The following NPAS3 variants were observed in gnomAD, a reference collection of about 807,000 sequenced individuals.
The protein encoded by NPAS3 is neuronal PAS domain protein 3, also known as neuronal PAS domain-containing protein 3.
Under a neutral mutation model 73.1 loss-of-function variants are expected in NPAS3, and 14 were observed. The observed-to-expected ratio is 0.19, with a 90% CI of 0.13 to 0.30. The LOEUF is 0.30. NPAS3 is among the 10% of genes least tolerant of loss of function. The pLI is 1.00. For missense variants in NPAS3, 1,096 were observed against 1,250.0 expected, an observed-to-expected ratio of 0.88 and a Z score of 1.86; for synonymous variants, 620 against 541.5, an observed-to-expected ratio of 1.14 and a Z score of -2.01.
At chr14:33,152,508 A>G (rs1374447793) in intron 2 of NPAS3, among the ~76,000 whole-genome samples, 2 of 152,084 alleles carry the variant, frequency 1.3e-5, no homozygotes, top group African/African-American at 4.8e-5. Context: ...TCACTTTGAC[A>G]GCGCACATTC....
intron 5 of NPAS3, among the ~76,000 whole-genome samples, chr14:33,570,027 T>C (rs955985403): frequency 6.6e-6 from 1 of 152,194 alleles, no homozygotes; most frequent in African/African-American, 2.4e-5. Context: ...ACAGATGGGG[T>C]ATTTGTGTTC....
intron 2 of NPAS3, among the ~76,000 whole-genome samples, chr14:33,137,145 C>T (rs2043870598): frequency 6.6e-6 from 1 of 152,050 alleles, no homozygotes. Context: ...TGTATAGATG[C>T]TAAAGTAGCA....
chr14:33,577,799 A>T (rs1311166843), intron 5 of NPAS3, among the ~76,000 whole-genome samples: 2 of 152,250 alleles, frequency 1.3e-5, no homozygotes, highest in African/African-American at 4.8e-5. Context: ...AGAGAAAATT[A>T]AAACATTGTT....
At chr14:33,715,713 G>C (rs1308296712) in intron 6 of NPAS3, among the ~76,000 whole-genome samples, 1 of 152,190 alleles carries the variant, frequency 6.6e-6, no homozygotes, top group Non-Finnish European at 1.5e-5. Context: ...AATAAACACT[G>C]ATATGGTTTG....
chr14:33,476,787 G>A (rs971737413), intron 4 of NPAS3, among the ~76,000 whole-genome samples: 1 of 152,058 alleles, frequency 6.6e-6, no homozygotes, highest in African/African-American at 2.4e-5. Flanking sequence ...AGAGCTACAG[G>A]AACCGCATCA....
intron 6 of NPAS3, among the ~76,000 whole-genome samples, chr14:33,707,598 G>A (rs903299392): frequency 9.9e-5 from 15 of 152,162 alleles, no homozygotes; most frequent in Admixed American, 8.5e-4. Context: ...GGTTCAAATC[G>A]CAGGAATGCA....
At chr14:33,534,539 G>A (rs1465405590) in intron 4 of NPAS3, among the ~76,000 whole-genome samples, 3 of 152,072 alleles carry the variant, frequency 2.0e-5, no homozygotes, top group Admixed American at 6.6e-5. Context: ...CATAGAAATG[G>A]CTTCTTACCT....
rs1246522274 is a variant in NPAS3 at position 33,076,909 on chromosome 14, A to G, written c.140+20915A>G. On this transcript the variant is annotated intron_variant, in intron 2 of 11. Coordinates refer to ENST00000356141, the Ensembl canonical transcript of NPAS3. ...GTGTGTGATATTTTTATTCTACAAA[A>G]AGTTTTTCTATATCCATTACAAAGG... Among the ~76,000 whole-genome samples the G allele has an allele frequency of 2.0e-5, 3 of 152,236 alleles. No homozygotes were observed. In the East Asian group the frequency reaches 5.8e-4, roughly 29 times the overall value.
intron 2 of NPAS3, among the ~76,000 whole-genome samples, chr14:33,076,660 C>G (rs2041669521): frequency 1.3e-5 from 2 of 152,166 alleles, no homozygotes; most frequent in Admixed American, 6.5e-5. Flanking sequence ...TGACTTGCCT[C>G]CAACAGTTGT....
At chr14:33,446,422 G>A (rs1021267079) in intron 4 of NPAS3, among the ~76,000 whole-genome samples, 1 of 151,752 alleles carries the variant, frequency 6.6e-6, no homozygotes, top group Non-Finnish European at 1.5e-5. Context: ...TGATCCACCC[G>A]CCTCGGCCTC....
intron 6 of NPAS3, among the ~76,000 whole-genome samples, chr14:33,693,422 G>A (rs538008799): frequency 6.6e-6 from 1 of 152,256 alleles, no homozygotes; most frequent in South Asian, 2.1e-4. Context: ...ATACCCATGT[G>A]GAGATCATTA....
chr14:33,782,660 A>C (rs372335438), intron 9 of NPAS3, among the ~76,000 whole-genome samples: 18 of 152,194 alleles, frequency 1.2e-4, no homozygotes, highest in Middle Eastern at 3.4e-3. Context: ...GGAGCCAGAG[A>C]CTGTAGGTGT....
intron 4 of NPAS3, 150 bp downstream of exon 4, chr14:33,367,418 T>C: frequency 1.9e-6 from 1 of 534,192 alleles, no homozygotes; most frequent in South Asian, 2.7e-5. Flanking sequence ...TATGAGTTTA[T>C]TTTTTTCTTT....
intron 4 of NPAS3, among the ~76,000 whole-genome samples, chr14:33,534,340 G>A (rs2054170035): frequency 6.6e-6 from 1 of 152,064 alleles, no homozygotes; most frequent in Admixed American, 6.6e-5. Flanking sequence ...GAATGGGCCT[G>A]ATTTGTATAC....
chr14:33,577,506 C>T (rs184219735), intron 5 of NPAS3, among the ~76,000 whole-genome samples: 46 of 152,200 alleles, frequency 3.0e-4, no homozygotes, highest in Admixed American at 2.3e-3. Context: ...CCTTGTGAGG[C>T]TGAGTATGAA....
At position 33,286,337 on chromosome 14, in the gene NPAS3, G is replaced by A. The variant is rs371766731; in HGVS notation, c.385+70911G>A. On this transcript the variant is annotated intron_variant, in intron 3 of 11. Coordinates refer to ENST00000356141, the Ensembl canonical transcript of NPAS3. ...TAATTACCTTCTAGAAAGTTATATC[G>A]CATTATGTGAACAATGCTTTTATTC... Among the ~76,000 whole-genome samples the A allele has an allele frequency of 1.7e-3, 253 of 152,114 alleles. 1 individual carries two copies. The highest frequency in any genetic ancestry group is 2.6e-3 in the Non-Finnish European group (176 of 67,986).
chr14:33,312,077 A>G (rs1389067183), intron 3 of NPAS3, among the ~76,000 whole-genome samples: 2 of 152,132 alleles, frequency 1.3e-5, no homozygotes, highest in Non-Finnish European at 2.9e-5. Context: ...GACTTGACAT[A>G]CAGTAGTCAG....
chr14:32,980,618 A>G (rs138157832), intron 1 of NPAS3, among the ~76,000 whole-genome samples: 47 of 152,354 alleles, frequency 3.1e-4, no homozygotes, highest in Admixed American at 9.2e-4. Flanking sequence ...TAAAAAACAT[A>G]CAGTTCATGT....
chr14:32,981,386 G>C (rs1047801350), intron 1 of NPAS3, among the ~76,000 whole-genome samples: 1 of 152,162 alleles, frequency 6.6e-6, no homozygotes, highest in Non-Finnish European at 1.5e-5. Context: ...CTACTTTATA[G>C]ACAGTGATCT....
Sources: allele counts gnomAD v4.1 joint callset (sites outside exome capture counted in the v4.1 genomes callset), GRCh38; gene constraint gnomAD v4.1.1; transcripts MANE v1.5; gene names NCBI Gene and HGNC (gene_info 2026-07-23, HGNC 2026-07-21).